Variants in SPEF2 observed in about 807,000 individuals in gnomAD.
SPEF2 encodes sperm flagella and cilia-associated protein 2.
A neutral mutation model predicts 224.6 loss-of-function variants in SPEF2; 187 were observed. That is an observed-to-expected ratio of 0.83 (90% confidence interval 0.74 to 0.94). The LOEUF (loss-of-function observed/expected upper bound fraction) is 0.94. Among genes scored for constraint, SPEF2 ranks in the 40% least tolerant of loss-of-function variants. SPEF2 has a pLI of 0.00. For missense variants in SPEF2, 2,170 were observed against 2,135.6 expected, an observed-to-expected ratio of 1.02 and a Z score of -0.32; for synonymous variants, 715 against 707.3, an observed-to-expected ratio of 1.01 and a Z score of -0.17.
intron 33 of SPEF2, among the ~76,000 whole-genome samples, chr5:35,799,219 A>G (rs1248585531): frequency 3.3e-5 from 5 of 152,214 alleles, no homozygotes; most frequent in Non-Finnish European, 5.9e-5. Flanking sequence ...GAGAAAAGCT[A>G]GAAGGTAGCA....
chr5:35,806,448 C>T (rs1445093229), intron 34 of SPEF2, among the ~76,000 whole-genome samples: 1 of 152,104 alleles, frequency 6.6e-6, no homozygotes, highest in Admixed American at 6.6e-5. Flanking sequence ...GGGTAGTCAG[C>T]CCAAGAATGT....
intron 20 of SPEF2, among the ~76,000 whole-genome samples, chr5:35,717,560 C>G (rs950989005): frequency 2.6e-5 from 4 of 152,080 alleles, no homozygotes; most frequent in Non-Finnish European, 5.9e-5. Context: ...AAAATTTAGG[C>G]TCACAGACGG....
At chr5:35,640,983 G>T (rs193251799) in intron 2 of SPEF2, among the ~76,000 whole-genome samples, 1 of 152,090 alleles carries the variant, frequency 6.6e-6, no homozygotes, top group Non-Finnish European at 1.5e-5. Flanking sequence ...TGTTATACAC[G>T]CTTTGTCTGT....
At chr5:35,753,449 G>A (rs1237387797) in intron 23 of SPEF2, among the ~76,000 whole-genome samples, 175 bp from the exon 24 acceptor site, 1 of 152,186 alleles carries the variant, frequency 6.6e-6, no homozygotes, top group African/African-American at 2.4e-5. Flanking sequence ...GGGACTGACA[G>A]AAGAGACTCA....
chr5:35,644,041 CA>C lies in SPEF2; in HGVS notation c.415-306del, dbSNP rs1026878222. ...AGTTGGTTTAATGAAATTATTTTTGCAAAAAAAATAAATAAAATTTATTTCC... is the reference window on the plus strand; with the variant it reads ...AGTTGGTTTAATGAAATTATTTTTGCAAAAAAATAAATAAAATTTATTTCC... On this transcript the variant is annotated intron_variant, in intron 3 of 36. Transcript: ENST00000356031. Among the ~76,000 whole-genome samples the C allele has an allele frequency of 2.0e-3, 296 of 150,098 alleles. 2 individuals carry two copies. The highest frequency in any genetic ancestry group is 6.8e-3 in the African/African-American group (279 of 40,912).
At chr5:35,788,857 C>T (rs535182026) in intron 30 of SPEF2, 3 of 702,812 alleles carry the variant, frequency 4.3e-6, no homozygotes, top group African/African-American at 1.7e-5. Context: ...GCATTTATCA[C>T]TTTTATCACA....
rs778806940 is a variant in SPEF2 at position 35,759,649 on chromosome 5, GACA to G, written c.3555_3557del (p.Asn1185del). 31 of 1,611,464 alleles carry G rather than the reference GACA, an allele frequency of 1.9e-5. No individual in the cohort carries two copies. Among genetic ancestry groups the G allele is most frequent in the African/African-American group, 2.7e-5 (2 of 74,888 alleles). On this transcript the variant is annotated inframe_deletion, in exon 25 of 37. Transcript: ENST00000356031. The stretch of plus-strand genomic sequence containing the variant: ...AATGGAAAGTAAAATCCCAGTAGAG[GACA>G]ACAAGAGATTTACTCGAATCCCTTT...
At position 35,659,225 on chromosome 5, in the gene SPEF2, T is replaced by C. The variant is rs1435637867; in HGVS notation, c.1167+18T>C. On this transcript the variant is annotated intron_variant, in intron 8 of 36. Transcript: ENST00000356031. ...GAGAAGCGGTAAATACCATCTTCCT[T>C]AGAAATCTTTCTAAGGTTACTTTTG... The C allele has an allele frequency of 1.3e-6, 2 of 1,568,200 alleles. No homozygotes were observed. The highest frequency in any genetic ancestry group is 2.7e-5 in the African/African-American group (2 of 73,474).
At chr5:35,783,392 C>T (rs968840453) in intron 30 of SPEF2, among the ~76,000 whole-genome samples, 5 of 151,946 alleles carry the variant, frequency 3.3e-5, no homozygotes, top group African/African-American at 1.2e-4. Context: ...ATACTTATTC[C>T]ATGTATTGAA....
At chr5:35,709,772 T>C in intron 19 of SPEF2, 1 of 985,316 alleles carries the variant, frequency 1.0e-6, no homozygotes, top group South Asian at 4.7e-5. Flanking sequence ...ATGACAAAAG[T>C]GAAGTGCTTA....
chr5:35,717,008 TC>T (rs1184903127), intron 20 of SPEF2, among the ~76,000 whole-genome samples: 1 of 152,178 alleles, frequency 6.6e-6, no homozygotes, highest in Non-Finnish European at 1.5e-5. Context: ...AAAAAAGATT[TC>T]ACCTCCTCTT....
At chr5:35,806,206 C>T (rs1005974345) in intron 34 of SPEF2, among the ~76,000 whole-genome samples, 1 of 152,146 alleles carries the variant, frequency 6.6e-6, no homozygotes, top group Admixed American at 6.5e-5. Flanking sequence ...CAGTAAAAAT[C>T]CCAACCTGAT....
intron 34 of SPEF2, among the ~76,000 whole-genome samples, chr5:35,804,138 C>T (rs1757782389): frequency 6.6e-6 from 1 of 152,218 alleles, no homozygotes; most frequent in South Asian, 2.1e-4. Context: ...TGCTCTTCTG[C>T]TCTTTGAGGC....
At chr5:35,780,881 C>A (rs1754250788) in intron 30 of SPEF2, among the ~76,000 whole-genome samples, 1 of 152,268 alleles carries the variant, frequency 6.6e-6, no homozygotes, top group East Asian at 1.9e-4. Flanking sequence ...TACAATATAT[C>A]TTTCAGCAGG....
intron 3 of SPEF2, 67 bp downstream of exon 3, chr5:35,641,750 A>T (rs766504420): frequency 6.6e-6 from 10 of 1,520,550 alleles, no homozygotes; most frequent in Non-Finnish European, 8.9e-6. Flanking sequence ...AATGACAATG[A>T]TATTGAATTC....
intron 29 of SPEF2, among the ~76,000 whole-genome samples, chr5:35,776,772 A>G (rs906388197): frequency 6.6e-5 from 10 of 152,210 alleles, no homozygotes; most frequent in African/African-American, 2.4e-4. Flanking sequence ...GTCAGAGCCA[A>G]TTAAGGGGAG....
intron 34 of SPEF2, among the ~76,000 whole-genome samples, chr5:35,803,713 C>G (rs1352529717): frequency 6.6e-6 from 1 of 152,212 alleles, no homozygotes; most frequent in Non-Finnish European, 1.5e-5. Context: ...CCCAGGAAGC[C>G]ATAATGCTCA....
At chr5:35,646,921 C>A in intron 5 of SPEF2, 114 bp downstream of exon 5, 2 of 1,118,248 alleles carry the variant, frequency 1.8e-6, no homozygotes, top group Non-Finnish European at 2.5e-6. Context: ...CAAATTATCT[C>A]TGACCTTGTC....
intron 2 of SPEF2, among the ~76,000 whole-genome samples, chr5:35,637,998 T>C (rs975509255): frequency 2.6e-5 from 4 of 152,204 alleles, no homozygotes; most frequent in Non-Finnish European, 5.9e-5. Flanking sequence ...TTTATGAAAG[T>C]GAGAAACTCA....
Sources: gnomAD v4.1 joint callset for allele counts (sites outside exome capture counted in the v4.1 genomes callset) on GRCh38, gnomAD v4.1.1 for gene constraint, MANE v1.5 for transcripts, NCBI Gene and HGNC (gene_info 2026-07-23, HGNC 2026-07-21) for gene names.